STAC: variants seen among roughly 807,000 people sequenced by gnomAD.
STAC encodes the protein SH3 and cysteine rich domain.
A neutral mutation model predicts 48.8 loss-of-function variants in STAC; 43 were observed. The ratio of observed to expected loss-of-function variants is 0.88; its 90% CI spans 0.69 to 1.14. STAC has a LOEUF of 1.14. Ranked by LOEUF, STAC falls within the 50% of genes most tolerant of loss-of-function variation. STAC has a pLI of 0.00. For missense variants in STAC, 497 were observed against 504.0 expected (o/e 0.99, Z 0.13); for synonymous variants, 193 against 179.5 (o/e 1.07, Z -0.60).
At chr3:36,404,465 T>C (rs912333571) in intron 1 of STAC, among the ~76,000 whole-genome samples, 3 of 152,182 alleles carry the variant, frequency 2.0e-5, no homozygotes, top group East Asian at 1.9e-4. Context: ...TACCAGCTGA[T>C]AATAGCACCC....
At position 36,496,213 on chromosome 3, in the gene STAC, C is replaced by A. The variant is rs143860477; in HGVS notation, c.766+2984C>A. ...TAACAACTCTTTTGATCAGCAATAG[C>A]TTTCTCTACAATGCACCCTGAGAAG... On this transcript the variant is annotated intron_variant, in intron 6 of 10. Coordinates refer to ENST00000273183, the MANE Select transcript of STAC (RefSeq NM_003149.3). Among the ~76,000 whole-genome samples the A allele has an allele frequency of 5.4e-3, 825 of 152,326 alleles. 25 individuals carry two copies. The highest frequency in any genetic ancestry group is 0.05 in the Admixed American group (758 of 15,296).
At chr3:36,500,056 C>T (rs1038389950) in intron 6 of STAC, among the ~76,000 whole-genome samples, 3 of 152,072 alleles carry the variant, frequency 2.0e-5, no homozygotes, top group African/African-American at 7.2e-5. Flanking sequence ...CAAAATTATT[C>T]CAAATTCTTG....
chr3:36,435,696 T>C (rs946058300), intron 1 of STAC, among the ~76,000 whole-genome samples: 1 of 152,164 alleles, frequency 6.6e-6, no homozygotes, highest in East Asian at 1.9e-4. Context: ...ACTCACCACT[T>C]CACTGAATCT....
At chr3:36,493,756 T>C (rs1469751836) in intron 6 of STAC, among the ~76,000 whole-genome samples, 2 of 152,190 alleles carry the variant, frequency 1.3e-5, no homozygotes, top group Non-Finnish European at 2.9e-5. Context: ...AAACATTCTA[T>C]ATTAAAATTA....
At position 36,444,661 on chromosome 3, in the gene STAC, C is replaced by G. The variant is rs572920190; in HGVS notation, c.388+1021C>G. 1.1e-4 allele frequency among the ~76,000 whole-genome samples: 17 copies of G among 152,342 alleles called. No individual in the cohort carries two copies. The South Asian group carries it at 3.1e-3, about 28-fold the overall frequency. On this transcript the variant is annotated intron_variant, in intron 2 of 10. Coordinates refer to ENST00000273183, the MANE Select transcript of STAC (RefSeq NM_003149.3). ...AAGACAGGGGCAACCCCCTAGCCCC[C>G]ACCTGCCGTCTCTAGTAGCAAGGAC...
intron 1 of STAC, among the ~76,000 whole-genome samples, chr3:36,415,486 A>G (rs1212151162): frequency 6.6e-6 from 1 of 152,106 alleles, no homozygotes; most frequent in Non-Finnish European, 1.5e-5. Context: ...GTTTGCTAAG[A>G]CCATTGGAAA....
chr3:36,517,714 T>C (rs1425017663), intron 8 of STAC, among the ~76,000 whole-genome samples: 1 of 152,172 alleles, frequency 6.6e-6, no homozygotes, highest in Non-Finnish European at 1.5e-5. Context: ...GAGAACCCTA[T>C]TATAATCAGC....
chr3:36,538,249 T>A (rs986844628), intron 10 of STAC, among the ~76,000 whole-genome samples: 1 of 152,288 alleles, frequency 6.6e-6, no homozygotes, highest in African/African-American at 2.4e-5. Flanking sequence ...TATTCATATA[T>A]ATATGGTCTG....
intron 2 of STAC, among the ~76,000 whole-genome samples, chr3:36,472,044 C>T (rs1697353559): frequency 2.0e-5 from 3 of 152,236 alleles, no homozygotes; most frequent in South Asian, 2.1e-4. Context: ...GGGCCCCGCC[C>T]CTGCAGCAAA....
chr3:36,406,337 G>A (rs1049804308), intron 1 of STAC, among the ~76,000 whole-genome samples: 1 of 152,220 alleles, frequency 6.6e-6, no homozygotes, highest in African/African-American at 2.4e-5. Context: ...TACAGCAAAG[G>A]CCTTGGTCTA....
intron 1 of STAC, among the ~76,000 whole-genome samples, chr3:36,436,735 A>G (rs1406198630): frequency 1.3e-5 from 2 of 152,134 alleles, no homozygotes; most frequent in African/African-American, 4.8e-5. Flanking sequence ...TTATCTACCT[A>G]TAATCTATCT....
At chr3:36,528,054 T>C (rs1254707051) in intron 8 of STAC, among the ~76,000 whole-genome samples, 2 of 152,110 alleles carry the variant, frequency 1.3e-5, no homozygotes, top group Non-Finnish European at 2.9e-5. Flanking sequence ...AATGTAAGTG[T>C]GTGGGAAGGA....
chr3:36,398,328 A>AAAGAAAGAAAGAAAGC (rs1699900720), intron 1 of STAC, among the ~76,000 whole-genome samples: 5 of 115,658 alleles, frequency 4.3e-5, no homozygotes, highest in Admixed American at 1.7e-4. Flanking sequence ...AGCAAGAAAG[A>AAAGAAAGAAAGAAAGC]AAGAAAGAAA....
In STAC at chr3:36,546,458, G is replaced by A. The variant is rs1699449892; in HGVS notation, c.*169G>A. On this transcript the variant is annotated 3_prime_UTR_variant, in exon 11 of 11. Transcript: ENST00000273183. ...TGGAGTAATAGCCACAAAACAGAGG[G>A]CCCACTGCACAGCATATCCAGGCTG... 3.2e-6 allele frequency: 2 copies of A among 621,850 alleles called. No individual in the cohort carries two copies. The highest frequency in any genetic ancestry group is 5.7e-5 in the Admixed American group (2 of 35,380). 38.5% of individuals were successfully genotyped at this position (621,850 alleles called of 1,614,324 possible).
At chr3:36,481,976 A>C (rs1575229709) in intron 2 of STAC, among the ~76,000 whole-genome samples, 1 of 152,314 alleles carries the variant, frequency 6.6e-6, no homozygotes, top group East Asian at 1.9e-4. Context: ...ATAGTGCCTC[A>C]ACAACTCTGC....
At chr3:36,483,281 A>C (rs1697705789) in intron 3 of STAC, among the ~76,000 whole-genome samples, 189 bp downstream of exon 3, 1 of 152,190 alleles carries the variant, frequency 6.6e-6, no homozygotes, top group Non-Finnish European at 1.5e-5. Context: ...CCCAATCAAC[A>C]ATGCCCCACC....
intron 1 of STAC, among the ~76,000 whole-genome samples, chr3:36,386,593 G>A (rs748006008): frequency 3.3e-5 from 5 of 151,900 alleles, no homozygotes; most frequent in Non-Finnish European, 5.9e-5. Context: ...CCTTTCACAG[G>A]TGGATTTACA....
chr3:36,411,999 C>T (rs576583538), intron 1 of STAC, among the ~76,000 whole-genome samples: 24 of 152,232 alleles, frequency 1.6e-4, no homozygotes, highest in African/African-American at 5.5e-4. Flanking sequence ...AATATATTAA[C>T]TGTACAAGTT....
chr3:36,443,778 T>C lies in STAC; in HGVS notation c.388+138T>C. ...ATGTGGGAAGATCATTCAGGAGTGC[T>C]TTGGGGAACAATATTTGTGAGAAGG... On this transcript the variant is annotated intron_variant, in intron 2 of 10. Transcript: ENST00000273183. This position sits in a 1 kb window ranked among gnomAD's most constrained non-coding sequence, Gnocchi z 4.2. 8.6e-7 allele frequency: 1 copy of C among 1,160,372 alleles called. No individual in the cohort carries two copies. The highest frequency in any genetic ancestry group is 1.5e-5 in the South Asian group (1 of 66,764). The allele number at this position is 1,160,372 out of a possible 1,614,324, so 71.9% of individuals were successfully genotyped here.
Sources: allele counts gnomAD v4.1 joint callset (sites outside exome capture counted in the v4.1 genomes callset), GRCh38; gene constraint gnomAD v4.1.1; non-coding constraint Gnocchi (gnomAD v3.1); transcripts MANE v1.5; gene names NCBI Gene and HGNC (gene_info 2026-07-23, HGNC 2026-07-21).